Variants in PAGE3 observed in about 807,000 individuals in gnomAD.
PAGE3 encodes the protein P antigen family member 3.
Under a neutral mutation model 3.8 loss-of-function variants are expected in PAGE3, and 9 were observed. That is an observed-to-expected ratio of 2.36 (90% confidence interval 1.42 to 4.12). The LOEUF is 4.12. PAGE3 is among the 30% of genes most tolerant of loss of function. PAGE3 has a pLI of 0.00. For synonymous variants in PAGE3, 24 were observed against 13.1 expected (o/e 1.83, Z -1.79); for missense variants, 73 against 37.8 (o/e 1.93, Z -2.44).
intron 4 of PAGE3, among the ~76,000 whole-genome samples, chrX:55,259,795 T>G (rs1938254220): frequency 9.0e-6 from 1 of 111,126 alleles, no homozygotes. Context: ...TAATTTTATA[T>G]TTTTATTTTT....
intron 3 of PAGE3, among the ~76,000 whole-genome samples, chrX:55,262,622 A>G (rs1470334346): frequency 9.3e-6 from 1 of 107,957 alleles, no homozygotes. Flanking sequence ...GTAAGACACA[A>G]TCTCTGAGTC....
At chrX:55,259,799 T>C (rs922264372) in intron 4 of PAGE3, among the ~76,000 whole-genome samples, 3 of 111,157 alleles carry the variant, frequency 2.7e-5, no homozygotes, top group African/African-American at 9.8e-5. Context: ...TTTATATTTT[T>C]ATTTTTTAAT....
At chrX:55,260,763 G>T (rs1432826695) in intron 3 of PAGE3, 104 bp from the exon 4 acceptor site, 6 of 377,234 alleles carry the variant, frequency 1.6e-5, no homozygotes, top group Non-Finnish European at 2.8e-5. Context: ...AAGCCTATAG[G>T]CTAGTGTGGT....
chrX:55,262,727 T>C, intron 3 of PAGE3, among the ~76,000 whole-genome samples: 2 of 85,542 alleles, frequency 2.3e-5, no homozygotes, highest in Non-Finnish European at 2.5e-5. Flanking sequence ...TATATATATA[T>C]ATATATGTAA....
intron 3 of PAGE3, among the ~76,000 whole-genome samples, chrX:55,262,353 C>G (rs1406699156): frequency 9.0e-6 from 1 of 111,342 alleles, no homozygotes; most frequent in Non-Finnish European, 1.9e-5. Flanking sequence ...CAGCTATTAA[C>G]TAAACTTTCC....
intron 3 of PAGE3, among the ~76,000 whole-genome samples, chrX:55,261,860 A>C (rs1349680609): frequency 1.8e-5 from 2 of 111,835 alleles, no homozygotes; most frequent in African/African-American, 6.5e-5. Flanking sequence ...AATTAGCTGA[A>C]TGGATTTGTA....
At position 55,258,523 on chromosome X, in the gene PAGE3, C is replaced by T. The variant is rs1378370842; in HGVS notation, c.325G>A (p.Gly109Arg). 1.8e-6 allele frequency: 1 copy of T among 564,409 alleles called. No individual in the cohort carries two copies. Among genetic ancestry groups the T allele is most frequent in the Admixed American group, 2.3e-5 (1 of 44,264 alleles). 46.5% of individuals were successfully genotyped at this position (564,409 alleles called of 1,213,427 possible). ...EPVKIPEAGE[G>R]QPSV ...GTCTTCATTTAAACCGATGGTTGCCCTTCACCTATAAGATAAACATAATAG... is the reference window on the plus strand; with the variant it reads ...GTCTTCATTTAAACCGATGGTTGCCTTTCACCTATAAGATAAACATAATAG... The change falls in exon 5 of 5, where the codon GGG (glycine) becomes AGG (arginine). Residue 109 changes from glycine (G) to arginine (R), a missense_variant. Physicochemically the swap from Gly to Arg is moderately radical, Grantham distance 125. Transcript: ENST00000374951.
chrX:55,262,604 G>A lies in PAGE3; in HGVS notation c.193+647C>T, dbSNP rs1443386164. ...CAAATTATTTCTCCACCAGTGAAGT[G>A]CCCTTTGGTAAGACACAATCTCTGA... On this transcript the variant is annotated intron_variant, in intron 3 of 4. Coordinates refer to ENST00000374951, the MANE Select transcript of PAGE3 (RefSeq NM_001017931.3). Among the ~76,000 whole-genome samples, 3 of 108,522 alleles carry A rather than the reference G, an allele frequency of 2.8e-5. No homozygotes were observed. The East Asian group carries it at 8.6e-4, about 31-fold the overall frequency. 94.2% of individuals were successfully genotyped at this position (108,522 alleles called of 115,157 possible).
At chrX:55,259,868 T>C (rs1486769170) in intron 4 of PAGE3, among the ~76,000 whole-genome samples, 1 of 111,070 alleles carries the variant, frequency 9.0e-6, no homozygotes. Flanking sequence ...TTCCTGAACA[T>C]AGCCTGAAAA....
intron 4 of PAGE3, among the ~76,000 whole-genome samples, chrX:55,259,896 A>G (rs1938256632): frequency 1.8e-5 from 2 of 111,309 alleles, no homozygotes; most frequent in Non-Finnish European, 3.8e-5. Context: ...TAATCTAAAT[A>G]TTCTAATGGA....
intron 3 of PAGE3, among the ~76,000 whole-genome samples, chrX:55,262,691 G>T: frequency 1.5e-5 from 1 of 65,924 alleles, no homozygotes; most frequent in African/African-American, 5.2e-5. Context: ...TTTAATCCAA[G>T]GTGTTACATA....
intron 4 of PAGE3, among the ~76,000 whole-genome samples, chrX:55,259,149 C>A (rs755510937): frequency 1.8e-5 from 2 of 110,683 alleles, no homozygotes; most frequent in Admixed American, 1.9e-4. Flanking sequence ...CCAGTTTGTC[C>A]AATAAATTAT....
At chrX:55,259,492 A>T (rs1938248948) in intron 4 of PAGE3, among the ~76,000 whole-genome samples, 1 of 111,207 alleles carries the variant, frequency 9.0e-6, no homozygotes, top group East Asian at 2.8e-4. Flanking sequence ...TCAAATTTTG[A>T]AAATTGTTTA....
chrX:55,263,294 A>G lies in PAGE3; in HGVS notation c.150T>C (p.Tyr50=), dbSNP rs1170310322. 1.8e-6 allele frequency: 1 copy of G among 568,015 alleles called. No individual in the cohort carries two copies. Among genetic ancestry groups the G allele is most frequent in the African/African-American group, 2.2e-5 (1 of 44,526 alleles). The allele number at this position is 568,015 out of a possible 1,213,427, so 46.8% of individuals were successfully genotyped here. ...QEEPPIESQD[Y]TPGQERDEGA... The stretch of plus-strand genomic sequence containing the variant: ...CCTCGTCTCTCTCTTGACCAGGTGT[A>G]TAATCCTGACTTTCAATTGGTGGTT... Residue 50 remains tyrosine (Y), a synonymous_variant, in exon 3 of 5, where the codon TAT becomes TAC. Transcript: ENST00000374951.
At chrX:55,261,490 A>G (rs1487888736) in intron 3 of PAGE3, among the ~76,000 whole-genome samples, 1 of 111,750 alleles carries the variant, frequency 8.9e-6, no homozygotes, top group Non-Finnish European at 1.9e-5. Flanking sequence ...TTTTCTGTAA[A>G]TTTTATATTT....
rs2887654 is a variant in PAGE3, at chrX:55,264,735, G to C, written c.-198C>G. Reference sequence around the variant, plus strand: ...CACGGACTGTGGTTTCTGTGCCGCAGGACCTGTCCAAAGCCCGCTGGCTCC... The same window carrying C: ...CACGGACTGTGGTTTCTGTGCCGCACGACCTGTCCAAAGCCCGCTGGCTCC... On this transcript the variant is annotated 5_prime_UTR_variant, in exon 1 of 5. Coordinates refer to ENST00000374951, the MANE Select transcript of PAGE3 (RefSeq NM_001017931.3). The C allele has an allele frequency of 0.47, 51,732 of 110,394 alleles. 10,958 individuals carry two copies. The highest frequency in any genetic ancestry group is 0.65 in the Non-Finnish European group (34,393 of 52,668). 9.1% of individuals were successfully genotyped at this position (110,394 alleles called of 1,213,427 possible).
At chrX:55,260,497 G>A (rs766948385) in intron 4 of PAGE3, 37 bp downstream of exon 4, 5 of 545,866 alleles carry the variant, frequency 9.2e-6, no homozygotes, top group South Asian at 4.7e-5. Flanking sequence ...TTTGAAAACA[G>A]AAACCCCATA....
Position 55,264,603 on chromosome X carries a change from C to G in PAGE3, c.-66G>C, listed in dbSNP as rs1312115587. On this transcript the variant is annotated 5_prime_UTR_variant, in exon 1 of 5. Coordinates refer to ENST00000374951, the MANE Select transcript of PAGE3 (RefSeq NM_001017931.3). ...TCACGTGATTCCTCCCCTCTACGGT[C>G]CACCTTCCTCCGTCGTCCTGGCCCA... 2 of 111,963 alleles carry G rather than the reference C, an allele frequency of 1.8e-5. No homozygotes were observed. The highest frequency in any genetic ancestry group is 3.8e-5 in the Non-Finnish European group (2 of 53,235). 9.2% of individuals were successfully genotyped at this position (111,963 alleles called of 1,213,427 possible). A position where few individuals can be genotyped will look rare whatever the true frequency, so the allele number is the denominator to read the frequency against.
intron 3 of PAGE3, among the ~76,000 whole-genome samples, chrX:55,261,971 T>C (rs781233845): frequency 1.8e-4 from 20 of 111,856 alleles, no homozygotes; most frequent in Non-Finnish European, 2.8e-4. Flanking sequence ...AAAGGTCTTA[T>C]ATGTTACTTT....
Sources: allele counts gnomAD v4.1 joint callset (sites outside exome capture counted in the v4.1 genomes callset), GRCh38; gene constraint gnomAD v4.1.1; transcripts MANE v1.5; gene names NCBI Gene and HGNC (gene_info 2026-07-23, HGNC 2026-07-21).